Variants in KIF26A observed in about 807,000 individuals in gnomAD.
The protein encoded by KIF26A is kinesin family member 26A.
In KIF26A, 74 loss-of-function variants were observed where a neutral mutation model predicts 126.0. The observed-to-expected ratio is 0.59, with a 90% CI of 0.49 to 0.71. The LOEUF is 0.71. Among genes scored for constraint, KIF26A ranks in the 30% least tolerant of loss-of-function variants. The pLI is 0.00. For missense variants in KIF26A, 2,984 were observed against 2,763.3 expected (o/e 1.08, Z -1.79); for synonymous variants, 1,445 against 1,232.7 (o/e 1.17, Z -3.61).
intron 2 of KIF26A, among the ~76,000 whole-genome samples, chr14:104,139,519 G>C (rs2037616755): frequency 6.6e-6 from 1 of 152,228 alleles, no homozygotes; most frequent in Admixed American, 6.5e-5. Flanking sequence ...GGAGGGGCCT[G>C]GGCTGGCGTT....
rs746156283 is a variant in KIF26A at position 104,176,502 on chromosome 14, G to C, written c.3714G>C (p.Leu1238=). 1 of 1,605,660 alleles carries C rather than the reference G, an allele frequency of 6.2e-7. No individual in the cohort carries two copies. The highest frequency in any genetic ancestry group is 8.5e-7 in the Non-Finnish European group (1 of 1,179,658). ...AGAGCCCACCTGGCCGTGGAGGCCTGTTTGAGGACCCATGGCTGCTCCGGG... is the reference window on the plus strand; with the variant it reads ...AGAGCCCACCTGGCCGTGGAGGCCTCTTTGAGGACCCATGGCTGCTCCGGG... ...LGQSPPGRGG[L]FEDPWLLRVG... Residue 1238 remains leucine, a synonymous_variant, in exon 12 of 15, where the codon CTG becomes CTC. Transcript: ENST00000423312.
intron 2 of KIF26A, among the ~76,000 whole-genome samples, chr14:104,142,126 C>T (rs1369678789): frequency 6.6e-6 from 1 of 152,156 alleles, no homozygotes. Flanking sequence ...ATCTGGGGAC[C>T]TCATCCCTGT....
At chr14:104,163,952 C>T (rs372808249) in intron 4 of KIF26A, among the ~76,000 whole-genome samples, 22 of 152,244 alleles carry the variant, frequency 1.4e-4, no homozygotes, top group East Asian at 7.8e-4. Flanking sequence ...TGGCATCCCC[C>T]GGCTCCACGT....
Position 104,157,934 on chromosome 14 carries a change from C to A in KIF26A, c.915C>A (p.Phe305Leu). 7.3e-6 allele frequency: 11 copies of A among 1,512,814 alleles called. No homozygotes were observed. Among genetic ancestry groups the A allele is most frequent in the Non-Finnish European group, 9.7e-6 (11 of 1,129,902 alleles). 93.7% of individuals were successfully genotyped at this position (1,512,814 alleles called of 1,614,324 possible). ...GSTGPSAAAS[F>L]FIRAMQKLSL... Reference sequence around the variant, plus strand: ...CAGGCCCCTCAGCTGCAGCCTCCTTCTTCATAAGGTATGTCCTGGGGCTTC... The same window carrying A: ...CAGGCCCCTCAGCTGCAGCCTCCTTATTCATAAGGTATGTCCTGGGGCTTC... Residue 305 changes from phenylalanine (F) to leucine (L), a missense_variant, in exon 4 of 15, where the codon TTC becomes TTA. Transcript: ENST00000423312.
rs2038085617 is a variant in KIF26A at position 104,180,088 on chromosome 14, G to C, written c.*298G>C. On this transcript the variant is annotated 3_prime_UTR_variant, in exon 15 of 15. Coordinates refer to ENST00000423312, the MANE Select transcript of KIF26A (RefSeq NM_015656.2). ...GTGCTACAGACTTGAGACACCAGCA[G>C]AAGTTGTGTTCAGCCCGGCCCCGCT... 2.9e-6 allele frequency: 1 copy of C among 347,436 alleles called. No individual in the cohort carries two copies. Among genetic ancestry groups the C allele is most frequent in the Admixed American group, 4.5e-5 (1 of 22,246 alleles). 21.5% of individuals were successfully genotyped at this position (347,436 alleles called of 1,614,324 possible). A position where few individuals can be genotyped will look rare whatever the true frequency, so the allele number is the denominator to read the frequency against.
rs986067498 is a variant in KIF26A at position 104,138,718 on chromosome 14, C to G, written c.-5C>G. On this transcript the variant is annotated 5_prime_UTR_variant, in exon 1 of 15. Transcript: ENST00000423312. ...CGCCTGCCGGGCTCTTCCCGCGCCC[C>G]GGCCATGGTCGGCCGCGGCGTCCCT... 5.5e-5 allele frequency: 70 copies of G among 1,264,994 alleles called. No homozygotes were observed. The highest frequency in any genetic ancestry group is 6.9e-5 in the Non-Finnish European group (69 of 1,007,162). The allele number at this position is 1,264,994 out of a possible 1,614,324, so 78.4% of individuals were successfully genotyped here.
rs376047258 is a variant in KIF26A at position 104,157,817 on chromosome 14, C to T, written c.798C>T (p.Ala266=). ...ADTVRECPPV[A]GPDGLSKAWG... ...CGGTCCGAGAATGCCCCCCCGTGGC[C>T]GGCCCTGATGGCTTGTCGAAGGCCT... is the stretch of plus-strand genomic sequence containing the variant. The change falls in exon 4 of 15, where the codon GCC becomes GCT. Residue 266 remains alanine, a synonymous_variant. Coordinates refer to ENST00000423312, the MANE Select transcript of KIF26A (RefSeq NM_015656.2). The T allele has an allele frequency of 2.6e-5, 42 of 1,609,722 alleles. No individual in the cohort carries two copies. The highest frequency in any genetic ancestry group is 4.5e-5 in the East Asian group (2 of 44,756).
chr14:104,179,266 C>T lies in KIF26A; in HGVS notation c.5347C>T (p.Leu1783=). 6.6e-7 allele frequency: 1 copy of T among 1,524,956 alleles called. No individual in the cohort carries two copies. Among genetic ancestry groups the T allele is most frequent in the South Asian group, 1.2e-5 (1 of 81,466 alleles). The allele number at this position is 1,524,956 out of a possible 1,614,324, so 94.5% of individuals were successfully genotyped here. A position where few individuals can be genotyped will look rare whatever the true frequency, so the allele number is the denominator to read the frequency against. ...GGCGTGCGTCAGTACAAGGCTGCGG[C>T]TGGCGGAGCGCAGGCAGCAGCGGCT... ...GLACVSTRLR[L]AERRQQRLRE... Residue 1783 remains leucine (L), a synonymous_variant, in exon 14 of 15, where the codon CTG becomes TTG. Transcript: ENST00000423312.
intron 11 of KIF26A, among the ~76,000 whole-genome samples, chr14:104,174,736 G>A (rs1239951916): frequency 6.6e-6 from 1 of 152,206 alleles, no homozygotes; most frequent in East Asian, 1.9e-4. Flanking sequence ...CTTGTCTTTT[G>A]AGCTTCCCGT....
rs2275595 is a variant in KIF26A at position 104,172,589 on chromosome 14, G to A, written c.1341G>A (p.Ser447=). The A allele has an allele frequency of 0.014, 22,937 of 1,612,786 alleles. 1,551 individuals carry two copies. The African/African-American group carries it at 0.19, about 13-fold the overall frequency. The change falls in exon 7 of 15, where the codon TCG becomes TCA. Residue 447 remains serine (S), a synonymous_variant. Transcript: ENST00000423312. ...TGCCCCCCTAGGCCGAAGTCTGCTC[G>A]GGGACCGTGGCCGACGTGCTCCAGT... ...PQDSEQAEVC[S]GTVADVLQSV... is the part of the protein sequence containing the mutation.
At chr14:104,178,325 A>G (rs1001952295) in intron 12 of KIF26A, among the ~76,000 whole-genome samples, 11 of 152,004 alleles carry the variant, frequency 7.2e-5, no homozygotes, top group African/African-American at 2.7e-4. Context: ...CATGGCAGGG[A>G]AAGTGGGAGG....
chr14:104,170,031 C>G (rs1313669291), intron 5 of KIF26A, among the ~76,000 whole-genome samples: 2 of 152,200 alleles, frequency 1.3e-5, no homozygotes, highest in Non-Finnish European at 2.9e-5. Flanking sequence ...GAGGCCCACA[C>G]CCCCCTTCCT....
rs753559155 is a variant in KIF26A, at chr14:104,173,108, G to T, written c.1552G>T (p.Val518Phe). 9.3e-6 allele frequency: 15 copies of T among 1,606,896 alleles called. No individual in the cohort carries two copies. The Admixed American group carries it at 2.4e-4, about 25-fold the overall frequency. Residue 518 changes from valine to phenylalanine, a missense_variant, in exon 8 of 15, where the codon GTC becomes TTC. Coordinates refer to ENST00000423312, the MANE Select transcript of KIF26A (RefSeq NM_015656.2). ...ERTGTRFSVRVSAVEVCGRDQ... is the reference protein window; with the variant it reads ...ERTGTRFSVRFSAVEVCGRDQ... ...GACGGGCACCCGCTTCTCCGTCCGG[G>T]TCTCAGCCGTGGAGGTGTGCGGGCG...
rs200263517 is a variant in KIF26A at position 104,177,855 on chromosome 14, C to T, written c.5067C>T (p.Gly1689=). The T allele has an allele frequency of 5.5e-5, 85 of 1,558,018 alleles. 1 individual carries two copies. In the South Asian group the frequency reaches 5.7e-4, roughly 10 times the overall value. The change falls in exon 12 of 15, where the codon GGC becomes GGT. Residue 1689 remains glycine, a synonymous_variant. Transcript: ENST00000423312. The part of the protein sequence containing the change: ...SMSESGAASP[G]ARTRSLKSPK... ...GCGAGAGTGGGGCTGCCTCCCCAGG[C>T]GCCCGCACCCGCAGCCTCAAGTCCC...
Position 104,173,188 on chromosome 14 carries a change from C to T in KIF26A, c.1632C>T (p.Asp544=). ...LAEVAPGSLQ[D]TQSPGVYLRE... ...AGGTGGCCCCTGGCAGCCTCCAGGA[C>T]ACCCAGTCTCCGGGAGTGTACCTGC... The change falls in exon 8 of 15, where the codon GAC becomes GAT. Residue 544 remains aspartate, a synonymous_variant. Transcript: ENST00000423312. 6.2e-7 allele frequency: 1 copy of T among 1,611,734 alleles called. No homozygotes were observed. The highest frequency in any genetic ancestry group is 8.5e-7 in the Non-Finnish European group (1 of 1,179,428).
In KIF26A at chr14:104,177,304, G is replaced by A; in HGVS notation, c.4516G>A (p.Gly1506Ser). 6.4e-7 allele frequency: 1 copy of A among 1,559,210 alleles called. No individual in the cohort carries two copies. The highest frequency in any genetic ancestry group is 8.6e-7 in the Non-Finnish European group (1 of 1,156,296). Residue 1506 changes from glycine to serine, a missense_variant, in exon 12 of 15, where the codon GGT (glycine) becomes AGT (serine). Coordinates refer to ENST00000423312, the MANE Select transcript of KIF26A (RefSeq NM_015656.2). ...AGGCAAGGGCCGTGGCCTAGTGGCT[G>A]GTGGGTCGCGGGCTCTGGGGCCTTC... The part of the protein sequence containing the change: ...GGGKGRGLVA[G>S]GSRALGPSVK...
At chr14:104,138,993 C>A (rs1252207629) in intron 1 of KIF26A, 50 bp from the exon 2 acceptor site, 8 of 1,323,218 alleles carry the variant, frequency 6.0e-6, no homozygotes, top group Non-Finnish European at 7.7e-6. Context: ...GGGTCTGGAT[C>A]CGACGGACGT....
chr14:104,169,583 A>G (rs2037938548), intron 5 of KIF26A, among the ~76,000 whole-genome samples: 1 of 152,246 alleles, frequency 6.6e-6, no homozygotes, highest in South Asian at 2.1e-4. Context: ...CACTAATGTC[A>G]CATAGTCAGA....
At chr14:104,174,450 T>A in intron 11 of KIF26A, 140 bp downstream of exon 11, 1 of 928,070 alleles carries the variant, frequency 1.1e-6, no homozygotes. Context: ...TCTGATGTCA[T>A]GAGGCTATGC....
Sources: gnomAD v4.1 joint callset for allele counts (sites outside exome capture counted in the v4.1 genomes callset) on GRCh38, gnomAD v4.1.1 for gene constraint, MANE v1.5 for transcripts, NCBI Gene and HGNC (gene_info 2026-07-23, HGNC 2026-07-21) for gene names.